The following LPGAT1 variants were observed in gnomAD, a reference collection of about 807,000 sequenced individuals.
LPGAT1 encodes acyl-CoA:lysophosphatidylglycerol acyltransferase 1.
In LPGAT1, 11 loss-of-function variants were observed where a neutral mutation model predicts 47.5. The observed-to-expected ratio is 0.23, with a 90% CI of 0.15 to 0.38. The LOEUF (loss-of-function observed/expected upper bound fraction) is 0.38. LPGAT1 is among the 10% of genes least tolerant of loss of function. The pLI, the probability that LPGAT1 is intolerant of heterozygous loss-of-function variation, is 1.00. For synonymous variants in LPGAT1, 138 were observed against 144.2 expected, an observed-to-expected ratio of 0.96 and a Z score of 0.31; for missense variants, 293 against 439.0, an observed-to-expected ratio of 0.67 and a Z score of 2.97.
At chr1:211,815,952 G>C (rs139428502) in intron 2 of LPGAT1, among the ~76,000 whole-genome samples, 1 of 151,478 alleles carries the variant, frequency 6.6e-6, no homozygotes, top group Non-Finnish European at 1.5e-5. Context: ...CTAATTTTTT[G>C]TATTTTTTTT....
intron 2 of LPGAT1, among the ~76,000 whole-genome samples, chr1:211,804,692 T>C (rs985044329): frequency 6.6e-6 from 1 of 152,204 alleles, no homozygotes; most frequent in African/African-American, 2.4e-5. Flanking sequence ...ATGTATTACA[T>C]GTAAGTGCAG....
chr1:211,828,054 G>A (rs944537763), intron 2 of LPGAT1, among the ~76,000 whole-genome samples: 1 of 152,142 alleles, frequency 6.6e-6, no homozygotes, highest in African/African-American at 2.4e-5. Context: ...GCAGGAAAGA[G>A]GGAGACAGAA....
At chr1:211,820,303 TACTG>T (rs1386280552) in intron 2 of LPGAT1, among the ~76,000 whole-genome samples, 1 of 152,084 alleles carries the variant, frequency 6.6e-6, no homozygotes, top group Non-Finnish European at 1.5e-5. Context: ...ACTGGCATGG[TACTG>T]ACTGAGAGAT....
intron 2 of LPGAT1, among the ~76,000 whole-genome samples, chr1:211,799,450 A>C (rs1659480199): frequency 6.6e-6 from 1 of 152,226 alleles, no homozygotes; most frequent in South Asian, 2.1e-4. Flanking sequence ...CAAAAGGTTA[A>C]GCACTGTTTT....
intron 4 of LPGAT1, among the ~76,000 whole-genome samples, chr1:211,786,287 C>T (rs1237653592): frequency 6.6e-6 from 1 of 152,210 alleles, no homozygotes; most frequent in African/African-American, 2.4e-5. Context: ...CTTATTTTCA[C>T]AGAACTTAGA....
chr1:211,816,869 T>C (rs920865343), intron 2 of LPGAT1, among the ~76,000 whole-genome samples: 16 of 152,342 alleles, frequency 1.1e-4, no homozygotes, highest in African/African-American at 3.8e-4. Flanking sequence ...ATCAATGTTT[T>C]TTCCCCAACA....
At chr1:211,791,719 C>G (rs1422830778) in intron 3 of LPGAT1, among the ~76,000 whole-genome samples, 3 of 141,412 alleles carry the variant, frequency 2.1e-5, no homozygotes, top group Non-Finnish European at 4.8e-5. Flanking sequence ...TGCACTCCAG[C>G]CTGGGCAACA....
At chr1:211,798,600 T>C (rs573224424) in intron 2 of LPGAT1, among the ~76,000 whole-genome samples, 2 of 152,252 alleles carry the variant, frequency 1.3e-5, no homozygotes, top group South Asian at 2.1e-4. Flanking sequence ...AGAGGATCTC[T>C]TGGGCTCAGA....
At chr1:211,756,153 T>C (rs1430579515) in intron 6 of LPGAT1, among the ~76,000 whole-genome samples, 1 of 152,114 alleles carries the variant, frequency 6.6e-6, no homozygotes, top group Non-Finnish European at 1.5e-5. Context: ...GGAGAATTGC[T>C]TGAACCCAGG....
chr1:211,766,843 G>A (rs1286574575), intron 6 of LPGAT1, among the ~76,000 whole-genome samples: 1 of 152,206 alleles, frequency 6.6e-6, no homozygotes, highest in African/African-American at 2.4e-5. Context: ...AAATCATGAA[G>A]TTAACTACCT....
chr1:211,825,759 G>A (rs1252856432), intron 2 of LPGAT1, among the ~76,000 whole-genome samples: 1 of 152,206 alleles, frequency 6.6e-6, no homozygotes, highest in Non-Finnish European at 1.5e-5. Context: ...AGGAGTTTGA[G>A]ACCAGCCTGG....
chr1:211,821,113 G>A (rs891407849), intron 2 of LPGAT1, among the ~76,000 whole-genome samples: 2 of 152,132 alleles, frequency 1.3e-5, no homozygotes, highest in African/African-American at 4.8e-5. Context: ...AAAATTAGCT[G>A]GGTGTGGTGG....
At chr1:211,754,298 G>A (rs1005922960) in intron 6 of LPGAT1, among the ~76,000 whole-genome samples, 4 of 152,212 alleles carry the variant, frequency 2.6e-5, no homozygotes, top group Non-Finnish European at 4.4e-5. Context: ...CATTTCCACA[G>A]GTGCTGATGC....
intron 6 of LPGAT1, among the ~76,000 whole-genome samples, chr1:211,769,555 T>C (rs1658078102): frequency 6.6e-6 from 1 of 152,046 alleles, no homozygotes; most frequent in African/African-American, 2.4e-5. Flanking sequence ...ATAAAGAAAG[T>C]AGAGGAATAA....
intron 2 of LPGAT1, among the ~76,000 whole-genome samples, chr1:211,806,002 G>A (rs2102578427): frequency 6.6e-6 from 1 of 152,336 alleles, no homozygotes; most frequent in South Asian, 2.1e-4. Flanking sequence ...GCTCATGCCT[G>A]TAATCCCAGA....
Position 211,822,768 on chromosome 1 carries a change from A to G in LPGAT1, c.238+6291T>C, listed in dbSNP as rs1161212545. ...ACTCCAGCCTGGGTGACAGAGCAAGACTTCATCTCAAAAAAAAAAAAAAAA... is the reference window on the plus strand; with the variant it reads ...ACTCCAGCCTGGGTGACAGAGCAAGGCTTCATCTCAAAAAAAAAAAAAAAA... On this transcript the variant is annotated intron_variant, in intron 2 of 7. Transcript: ENST00000366997. Among the ~76,000 whole-genome samples the G allele has an allele frequency of 3.7e-5, 3 of 81,466 alleles. No homozygotes were observed. The Admixed American group carries it at 4.6e-4, about 12-fold the overall frequency. 53.4% of individuals were successfully genotyped at this position (81,466 alleles called of 152,430 possible). A position where few individuals can be genotyped will look rare whatever the true frequency, so the allele number is the denominator to read the frequency against.
intron 2 of LPGAT1, among the ~76,000 whole-genome samples, chr1:211,796,951 T>G (rs930580081): frequency 6.6e-6 from 1 of 152,116 alleles, no homozygotes; most frequent in Non-Finnish European, 1.5e-5. Flanking sequence ...TCACATAGCA[T>G]GCTGAATCAA....
chr1:211,785,009 T>C (rs1197987782), intron 4 of LPGAT1, among the ~76,000 whole-genome samples: 2 of 152,110 alleles, frequency 1.3e-5, no homozygotes, highest in Non-Finnish European at 2.9e-5. Context: ...TTCACCGTGT[T>C]AGCCAGGATG....
intron 2 of LPGAT1, among the ~76,000 whole-genome samples, chr1:211,808,652 A>G (rs1049670538): frequency 3.3e-5 from 5 of 152,230 alleles, no homozygotes; most frequent in African/African-American, 1.2e-4. Context: ...ACTGCAGAAA[A>G]GAGTTTGGCA....
Sources: allele counts gnomAD v4.1 joint callset (sites outside exome capture counted in the v4.1 genomes callset), GRCh38; gene constraint gnomAD v4.1.1; transcripts MANE v1.5; gene names NCBI Gene and HGNC (gene_info 2026-07-23, HGNC 2026-07-21).